PCBD2: variants seen among roughly 807,000 people sequenced by gnomAD.
PCBD2 encodes the protein pterin-4-alpha-carbinolamine dehydratase 2.
A neutral mutation model predicts 16.4 loss-of-function variants in PCBD2; 12 were observed. That is an observed-to-expected ratio of 0.73 (90% confidence interval 0.47 to 1.19). The LOEUF (loss-of-function observed/expected upper bound fraction) is 1.19, where lower values mean the gene tolerates loss of function less well. Ranked by LOEUF, PCBD2 falls within the 50% of genes most tolerant of loss-of-function variation. The pLI is 0.00. For synonymous variants in PCBD2, 58 were observed against 61.8 expected (o/e 0.94, Z 0.29); for missense variants, 138 against 156.8 (o/e 0.88, Z 0.64).
At chr5:134,947,375 C>T (rs558700012) in intron 2 of PCBD2, among the ~76,000 whole-genome samples, 6 of 146,580 alleles carry the variant, frequency 4.1e-5, no homozygotes, top group East Asian at 2.1e-4. Context: ...TTACAGCCAT[C>T]GCGCCCGGCC....
At chr5:134,925,229 T>C in intron 2 of PCBD2, 2 of 398,536 alleles carry the variant, frequency 5.0e-6, no homozygotes, top group Non-Finnish European at 8.8e-6. Context: ...ATGAGAGTAA[T>C]AGACAGGGCT....
At chr5:134,947,050 A>C (rs1403934285) in intron 2 of PCBD2, among the ~76,000 whole-genome samples, 2 of 152,140 alleles carry the variant, frequency 1.3e-5, no homozygotes, top group South Asian at 4.1e-4. Context: ...TAAAGAAGAA[A>C]AGTTAGGGAG....
At chr5:134,942,468 T>C (rs1220395450) in intron 2 of PCBD2, among the ~76,000 whole-genome samples, 2 of 152,126 alleles carry the variant, frequency 1.3e-5, no homozygotes, top group Non-Finnish European at 2.9e-5. Context: ...TCCCCTCCTC[T>C]TCTTCATCCT....
intron 2 of PCBD2, chr5:134,924,689 AAG>A (rs938170531): frequency 3.0e-5 from 12 of 396,220 alleles, no homozygotes; most frequent in Non-Finnish European, 4.5e-5. Flanking sequence ...GGGAAGAAGA[AAG>A]AGAGGAAATA....
At chr5:134,905,705 T>A (rs1750678717) in intron 1 of PCBD2, 1 of 153,644 alleles carries the variant, frequency 6.5e-6, no homozygotes, top group Non-Finnish European at 1.4e-5. Context: ...TGACTTTTCT[T>A]TCCTTTTCCA....
At chr5:134,920,117 T>TA (rs1403521634) in intron 2 of PCBD2, among the ~76,000 whole-genome samples, 1 of 152,200 alleles carries the variant, frequency 6.6e-6, no homozygotes, top group East Asian at 1.9e-4. Context: ...CTCTTTTTCT[T>TA]ACATCCTTTT....
At chr5:134,924,527 T>C in intron 2 of PCBD2, 1 of 397,818 alleles carries the variant, frequency 2.5e-6, no homozygotes, top group East Asian at 3.6e-5. Flanking sequence ...CAGGGCTGAT[T>C]CGGGAGGATC....
intron 1 of PCBD2, 141 bp from the exon 2 acceptor site, chr5:134,910,194 T>G: frequency 2.1e-6 from 2 of 934,296 alleles, no homozygotes; most frequent in Non-Finnish European, 1.6e-6. Context: ...TTTGGTCTCT[T>G]TAAGAGAACA....
chr5:134,946,705 T>C (rs1227319401), intron 2 of PCBD2, among the ~76,000 whole-genome samples: 1 of 152,248 alleles, frequency 6.6e-6, no homozygotes, highest in Admixed American at 6.5e-5. Flanking sequence ...GTATTTACTG[T>C]ACCACTAAGC....
rs528718601 is a variant in PCBD2 at position 134,913,788 on chromosome 5, A to G, written c.216+3322A>G. Among the ~76,000 whole-genome samples, 24 of 152,318 alleles carry G rather than the reference A, an allele frequency of 1.6e-4. No homozygotes were observed. In the South Asian group the frequency reaches 4.8e-3, roughly 30 times the overall value. On this transcript the variant is annotated intron_variant, in intron 2 of 3. Transcript: ENST00000254908. Reference sequence around the variant, plus strand: ...GATGGAGAGAAATGTAGGGTTCCACATATTTTGAAAGTAGAATAATCAAGA... The same window carrying G: ...GATGGAGAGAAATGTAGGGTTCCACGTATTTTGAAAGTAGAATAATCAAGA...
chr5:134,942,151 G>T (rs946072943), intron 2 of PCBD2, among the ~76,000 whole-genome samples: 19 of 116,352 alleles, frequency 1.6e-4, no homozygotes, highest in Admixed American at 1.2e-3. Context: ...AAAAAAAAAA[G>T]ATTGTAGGAA....
At chr5:134,926,518 A>C in intron 2 of PCBD2, 1 of 395,372 alleles carries the variant, frequency 2.5e-6, no homozygotes. Context: ...GATGGCTGTT[A>C]TCCTTTAAAA....
Position 134,934,747 on chromosome 5 carries a change from G to T in PCBD2, c.216+24281G>T, listed in dbSNP as rs575836555. The stretch of plus-strand genomic sequence containing the variant: ...TGGTCTTGTTTTTTTCCCTTCCATT[G>T]TCTGATAGTGAGGTCATTTTCAGTC... On this transcript the variant is annotated intron_variant, in intron 2 of 3. Transcript: ENST00000254908. Among the ~76,000 whole-genome samples, 238 of 152,014 alleles carry T rather than the reference G, an allele frequency of 1.6e-3. 1 individual carries two copies. The highest frequency in any genetic ancestry group is 2.6e-3 in the Non-Finnish European group (179 of 67,976).
intron 2 of PCBD2, among the ~76,000 whole-genome samples, chr5:134,922,182 A>C (rs1750910938): frequency 6.6e-6 from 1 of 152,020 alleles, no homozygotes; most frequent in Non-Finnish European, 1.5e-5. Flanking sequence ...GGCCCTTTTC[A>C]TCTCAGTTCA....
intron 2 of PCBD2, among the ~76,000 whole-genome samples, chr5:134,954,254 C>A (rs1485755550): frequency 1.3e-5 from 2 of 152,160 alleles, no homozygotes; most frequent in African/African-American, 4.8e-5. Flanking sequence ...AACCATTGTG[C>A]CCAGCCTTAG....
Position 134,905,185 on chromosome 5 carries a change from G to T in PCBD2, c.46G>T (p.Ala16Ser), listed in dbSNP as rs1195665763. Residue 16 changes from alanine (A) to serine (S), a missense_variant, in exon 1 of 4, where the codon GCG becomes TCG. Ala to Ser is a moderately conservative substitution (Grantham distance 99, BLOSUM62 1). Coordinates refer to ENST00000254908, the MANE Select transcript of PCBD2 (RefSeq NM_032151.5). ...GALGATRRLLAALRGQSLGLA... is the reference protein window; with the variant it reads ...GALGATRRLLSALRGQSLGLA... The stretch of plus-strand genomic sequence containing the variant: ...GCTCGGGGCGACGCGGCGCTTGTTG[G>T]CGGCGCTGCGAGGCCAGAGCCTAGG... 8.2e-7 allele frequency: 1 copy of T among 1,224,270 alleles called. No individual in the cohort carries two copies. The highest frequency in any genetic ancestry group is 1.6e-5 in the African/African-American group (1 of 64,004). The allele number at this position is 1,224,270 out of a possible 1,614,324, so 75.8% of individuals were successfully genotyped here.
At chr5:134,953,785 A>C (rs1234675604) in intron 2 of PCBD2, among the ~76,000 whole-genome samples, 1 of 152,216 alleles carries the variant, frequency 6.6e-6, no homozygotes, top group East Asian at 1.9e-4. Context: ...TGGGCGACAG[A>C]GTGAGACTCC....
rs79641942 is a variant in PCBD2, at chr5:134,905,524, T to A, written c.84+301T>A. ...GTTCAGCAACTACAAAAGGCAGATG[T>A]GAAAAGTAGTTGCAGAACAATTCGG... On this transcript the variant is annotated intron_variant, in intron 1 of 3. Coordinates refer to ENST00000254908, the MANE Select transcript of PCBD2 (RefSeq NM_032151.5). The A allele has an allele frequency of 6.0e-4, 177 of 292,712 alleles. 1 individual carries two copies. Among genetic ancestry groups the A allele is most frequent in the African/African-American group, 3.5e-3 (159 of 45,740 alleles). The allele number at this position is 292,712 out of a possible 1,614,324, so 18.1% of individuals were successfully genotyped here.
chr5:134,959,433 G>A (rs1157763881), intron 3 of PCBD2, among the ~76,000 whole-genome samples: 1 of 152,136 alleles, frequency 6.6e-6, no homozygotes, highest in Non-Finnish European at 1.5e-5. Flanking sequence ...GTAAATTATT[G>A]AAAGAAATGG....
Sources: allele counts gnomAD v4.1 joint callset (sites outside exome capture counted in the v4.1 genomes callset), GRCh38; gene constraint gnomAD v4.1.1; transcripts MANE v1.5; gene names NCBI Gene and HGNC (gene_info 2026-07-23, HGNC 2026-07-21).